The following MACROD2 variants were observed in gnomAD, a reference collection of about 807,000 sequenced individuals.
The protein encoded by MACROD2 is ADP-ribose glycohydrolase MACROD2.
In MACROD2, 36 loss-of-function variants were observed where a neutral mutation model predicts 70.4. The ratio of observed to expected loss-of-function variants is 0.51; its 90% CI spans 0.39 to 0.68. The LOEUF (loss-of-function observed/expected upper bound fraction) is 0.68, where lower values mean the gene tolerates loss of function less well. Ranked by LOEUF, MACROD2 falls within the 30% of genes least tolerant of loss-of-function variation. The pLI is 0.00. For synonymous variants in MACROD2, 172 were observed against 178.8 expected, an observed-to-expected ratio of 0.96 and a Z score of 0.30; for missense variants, 496 against 538.4, an observed-to-expected ratio of 0.92 and a Z score of 0.78.
intron 5 of MACROD2, among the ~76,000 whole-genome samples, chr20:15,020,399 G>T (rs1449253094): frequency 6.6e-6 from 1 of 152,092 alleles, no homozygotes; most frequent in Non-Finnish European, 1.5e-5. Context: ...TATGAGTTTT[G>T]AAAATTACTC....
intron 5 of MACROD2, among the ~76,000 whole-genome samples, chr20:15,213,883 G>A (rs929658395): frequency 2.6e-5 from 4 of 151,780 alleles, no homozygotes; most frequent in African/African-American, 9.7e-5. Flanking sequence ...AATTCCAAGG[G>A]CAATTTTCTG....
intron 3 of MACROD2, among the ~76,000 whole-genome samples, chr20:14,284,220 G>A (rs911305141): frequency 1.3e-5 from 2 of 152,200 alleles, no homozygotes; most frequent in Admixed American, 1.3e-4. Flanking sequence ...TTTCTTAAAA[G>A]AGCAATATTA....
At chr20:15,642,562 G>A (rs2049476584) in intron 8 of MACROD2, among the ~76,000 whole-genome samples, 1 of 151,192 alleles carries the variant, frequency 6.6e-6, no homozygotes, top group Non-Finnish European at 1.5e-5. Flanking sequence ...GTAACCTAAA[G>A]AGGGAGGGAA....
chr20:15,974,144 T>C (rs2066271294), intron 13 of MACROD2, among the ~76,000 whole-genome samples: 1 of 152,130 alleles, frequency 6.6e-6, no homozygotes, highest in Non-Finnish European at 1.5e-5. Flanking sequence ...TTTCAGTACA[T>C]ATTCTGGCCG....
chr20:14,857,911 C>G (rs1214263142), intron 5 of MACROD2, among the ~76,000 whole-genome samples: 3 of 152,050 alleles, frequency 2.0e-5, no homozygotes, highest in Non-Finnish European at 4.4e-5. Context: ...ACCTCCGCCT[C>G]CCGGGTTCAA....
intron 8 of MACROD2, among the ~76,000 whole-genome samples, chr20:15,605,529 A>G (rs1600658469): frequency 1.3e-5 from 2 of 150,706 alleles, no homozygotes; most frequent in East Asian, 3.9e-4. Context: ...CTTTTGGAGT[A>G]AATCAGTGTT....
intron 3 of MACROD2, among the ~76,000 whole-genome samples, chr20:14,222,332 G>A (rs772588334): frequency 1.8e-4 from 28 of 152,172 alleles, no homozygotes; most frequent in Non-Finnish European, 3.7e-4. Context: ...AATCTCTTTT[G>A]TAGCGACATG....
intron 5 of MACROD2, among the ~76,000 whole-genome samples, chr20:15,123,634 A>T (rs2076046334): frequency 6.6e-6 from 1 of 152,060 alleles, no homozygotes; most frequent in African/African-American, 2.4e-5. Context: ...GCTACTAAAA[A>T]AATTGAAATC....
At chr20:15,907,126 T>C (rs572955418) in intron 10 of MACROD2, among the ~76,000 whole-genome samples, 2 of 152,228 alleles carry the variant, frequency 1.3e-5, no homozygotes, top group African/African-American at 4.8e-5. Context: ...CGCCTTAGCC[T>C]TGGTACCCAC....
rs149756246 is a variant in MACROD2, at chr20:14,247,030, A to C, written c.271+161302A>C. ...GATTGAAAGCATACAAAATGTCTACAGTTCACCTGTCTGCTGCTCCCAGTT... is the reference window on the plus strand; with the variant it reads ...GATTGAAAGCATACAAAATGTCTACCGTTCACCTGTCTGCTGCTCCCAGTT... On this transcript the variant is annotated intron_variant, in intron 3 of 17. Coordinates refer to ENST00000684519, the MANE Select transcript of MACROD2 (RefSeq NM_001351661.2). Among the ~76,000 whole-genome samples, 437 of 152,296 alleles carry C rather than the reference A, an allele frequency of 2.9e-3. 6 individuals are homozygous for C. Among genetic ancestry groups the C allele is most frequent in the African/African-American group, 0.01 (421 of 41,554 alleles).
chr20:14,339,884 C>T (rs1326486104), intron 3 of MACROD2, among the ~76,000 whole-genome samples: 1 of 152,108 alleles, frequency 6.6e-6, no homozygotes, highest in African/African-American at 2.4e-5. Flanking sequence ...TCTGTGGCCT[C>T]CTATTCTGTC....
chr20:14,144,923 ACT>A (rs1468082307), intron 3 of MACROD2, among the ~76,000 whole-genome samples: 1 of 152,042 alleles, frequency 6.6e-6, no homozygotes, highest in African/African-American at 2.4e-5. Flanking sequence ...CATGTTCGCC[ACT>A]CTCTATCTCA....
chr20:14,323,502 A>G (rs890794451), intron 3 of MACROD2: 1 of 152,124 alleles, frequency 6.6e-6, no homozygotes, highest in Non-Finnish European at 1.5e-5. Flanking sequence ...TTACATAGGC[A>G]TGCTTGATTA....
chr20:14,246,547 A>G (rs2081969631), intron 3 of MACROD2, among the ~76,000 whole-genome samples: 1 of 152,142 alleles, frequency 6.6e-6, no homozygotes, highest in South Asian at 2.1e-4. Flanking sequence ...TGTATAGACT[A>G]CACCATGCTG....
At chr20:14,240,331 T>A (rs978693250) in intron 3 of MACROD2, among the ~76,000 whole-genome samples, 8 of 152,232 alleles carry the variant, frequency 5.3e-5, no homozygotes, top group African/African-American at 1.9e-4. Flanking sequence ...AGCAATTCCA[T>A]TATTGGGTAT....
At chr20:15,178,412 A>T (rs780836985) in intron 5 of MACROD2, among the ~76,000 whole-genome samples, 3 of 152,218 alleles carry the variant, frequency 2.0e-5, no homozygotes, top group Non-Finnish European at 2.9e-5. Context: ...CCTCACAATT[A>T]TTCTGTGTGG....
At chr20:15,093,686 TTAATATTCATTC>T (rs2075808558) in intron 5 of MACROD2, among the ~76,000 whole-genome samples, 1 of 152,230 alleles carries the variant, frequency 6.6e-6, no homozygotes, top group Non-Finnish European at 1.5e-5. Context: ...CTCAGAACCT[TTAATATTCATTC>T]TAATATTCAT....
chr20:15,678,841 G>A (rs6043433), intron 8 of MACROD2, among the ~76,000 whole-genome samples: 25,424 of 152,066 alleles, frequency 0.17, 2,095 homozygotes, highest in African/African-American at 0.2. Flanking sequence ...ACAGCATAAT[G>A]AGCTCTGATT....
At chr20:15,227,654 G>C (rs1416688573) in intron 5 of MACROD2, among the ~76,000 whole-genome samples, 1 of 152,068 alleles carries the variant, frequency 6.6e-6, no homozygotes, top group East Asian at 1.9e-4. Context: ...TGAAATTGTG[G>C]AAATCTAGTC....
Sources: gnomAD v4.1 joint callset for allele counts (sites outside exome capture counted in the v4.1 genomes callset) on GRCh38, gnomAD v4.1.1 for gene constraint, MANE v1.5 for transcripts, NCBI Gene and HGNC (gene_info 2026-07-23, HGNC 2026-07-21) for gene names.